LCK: variants seen among roughly 807,000 people sequenced by gnomAD.
The protein encoded by LCK is tyrosine-protein kinase Lck.
In LCK, 14 loss-of-function variants were observed where a neutral mutation model predicts 64.6. That is an observed-to-expected ratio of 0.22 (90% CI 0.14 to 0.34). The LOEUF (loss-of-function observed/expected upper bound fraction) is 0.34. Ranked by LOEUF, LCK falls within the 10% of genes least tolerant of loss-of-function variation. The pLI is 1.00. For missense variants in LCK, 434 were observed against 668.1 expected (o/e 0.65, Z 3.86); for synonymous variants, 277 against 263.6 (o/e 1.05, Z -0.49).
In LCK at chr1:32,276,081, C is replaced by T. The variant is rs1352522565; in HGVS notation, c.631+18C>T. ...TTACACCAGTGAGCCCGACGGGACCCCTCCCCCGTGCCCTATCAGCCTATC... is the reference window on the plus strand; with the variant it reads ...TTACACCAGTGAGCCCGACGGGACCTCTCCCCCGTGCCCTATCAGCCTATC... On this transcript the variant is annotated intron_variant, in intron 7 of 12. Coordinates refer to ENST00000336890, the MANE Select transcript of LCK (RefSeq NM_005356.5). This position sits in a 1 kb window ranked among gnomAD's most constrained non-coding sequence, Gnocchi z 4.6. 2 of 1,613,408 alleles carry T rather than the reference C, an allele frequency of 1.2e-6. No individual in the cohort carries two copies. Among genetic ancestry groups the T allele is most frequent in the South Asian group, 1.1e-5 (1 of 91,028 alleles).
At chr1:32,255,895 G>C (rs1043143308) in intron 1 of LCK, among the ~76,000 whole-genome samples, 1 of 148,784 alleles carries the variant, frequency 6.7e-6, no homozygotes, top group Non-Finnish European at 1.5e-5. Context: ...TCACACACCT[G>C]GGCTTGAGTG....
intron 1 of LCK, among the ~76,000 whole-genome samples, chr1:32,271,310 C>A (rs1429313753): frequency 6.6e-6 from 1 of 152,144 alleles, no homozygotes; most frequent in Non-Finnish European, 1.5e-5. Flanking sequence ...GCCAGCAACT[C>A]CAGCTTTGCT....
chr1:32,281,276 A>C (rs369782817), intron 12 of LCK, among the ~76,000 whole-genome samples: 53 of 151,266 alleles, frequency 3.5e-4, no homozygotes, highest in African/African-American at 1.1e-3. Flanking sequence ...TCTACAAAAA[A>C]AAAAAAACAA....
rs1187344344 is a variant in LCK at position 32,279,732 on chromosome 1, G to C, written c.1026G>C (p.Leu342=). 1 of 1,612,508 alleles carries C rather than the reference G, an allele frequency of 6.2e-7. No individual in the cohort carries two copies. Among genetic ancestry groups the C allele is most frequent in the East Asian group, 2.2e-5 (1 of 44,814 alleles). ...TCAAGTTGACCATCAACAAACTCCT[G>C]GACATGGCAGCCCAAGTAAGGAGAC... ...SGIKLTINKL[L]DMAAQIAEGM... The change falls in exon 10 of 13, where the codon CTG becomes CTC. Residue 342 remains leucine (L), a synonymous_variant. Coordinates refer to ENST00000336890, the MANE Select transcript of LCK (RefSeq NM_005356.5).
Position 32,251,741 on chromosome 1 carries a change from A to G in LCK, c.-6+370A>G, listed in dbSNP as rs1399069552. On this transcript the variant is annotated intron_variant, in intron 1 of 12. Coordinates refer to ENST00000336890, the MANE Select transcript of LCK (RefSeq NM_005356.5). This position sits in a 1 kb window ranked among gnomAD's most constrained non-coding sequence, Gnocchi z 4.0. ...AGAGAGAACAAGGCACTCACTGCCCACGGTTTCTCAGCAAGGCAGTGGCAG... is the reference window on the plus strand; with the variant it reads ...AGAGAGAACAAGGCACTCACTGCCCGCGGTTTCTCAGCAAGGCAGTGGCAG... Among the ~76,000 whole-genome samples, 1 of 152,148 alleles carries G rather than the reference A, an allele frequency of 6.6e-6. No homozygotes were observed. The highest frequency in any genetic ancestry group is 1.5e-5 in the Non-Finnish European group (1 of 68,028).
chr1:32,277,562 G>A lies in LCK; in HGVS notation c.964+776G>A, dbSNP rs547864557. 2.8e-4 allele frequency among the ~76,000 whole-genome samples: 43 copies of A among 152,276 alleles called. No homozygotes were observed. The South Asian group carries it at 8.7e-3, about 31-fold the overall frequency. On this transcript the variant is annotated intron_variant, in intron 9 of 12. Transcript: ENST00000336890. The stretch of plus-strand genomic sequence containing the variant: ...CTGGACAGAGTGAGAGCCCCAGGAA[G>A]AGGAATATGAGTTTCTAGCTTCAGC...
intron 12 of LCK, among the ~76,000 whole-genome samples, chr1:32,282,239 G>C (rs973725256): frequency 1.3e-5 from 2 of 152,176 alleles, no homozygotes; most frequent in Non-Finnish European, 2.9e-5. Context: ...GGTTCCCACA[G>C]AGGCAAACCC....
intron 10 of LCK, 22 bp downstream of exon 10, chr1:32,279,769 G>A (rs763947457): frequency 1.9e-6 from 3 of 1,609,002 alleles, no homozygotes; most frequent in Admixed American, 3.3e-5. Context: ...GGGGAGGGGG[G>A]CTGGGCAAGG....
chr1:32,279,826 G>T lies in LCK; in HGVS notation c.1042-15G>T. On this transcript the variant is annotated splice_polypyrimidine_tract_variant and intron_variant, in intron 10 of 12. Transcript: ENST00000336890. Reference sequence around the variant, plus strand: ...ACATCTGGCTCAGGACCGCTGATCTGTGTTTGGCCTGCAGATTGCAGAAGG... The same window carrying T: ...ACATCTGGCTCAGGACCGCTGATCTTTGTTTGGCCTGCAGATTGCAGAAGG... 1 of 1,614,120 alleles carries T rather than the reference G, an allele frequency of 6.2e-7. No individual in the cohort carries two copies. Among genetic ancestry groups the T allele is most frequent in the African/African-American group, 1.3e-5 (1 of 75,060 alleles).
rs1207892104 is a variant in LCK, at chr1:32,285,897, C to T, written c.*181C>T. 7 of 644,132 alleles carry T rather than the reference C, an allele frequency of 1.1e-5. No homozygotes were observed. In the East Asian group the frequency reaches 1.4e-4, roughly 13 times the overall value. The allele number at this position is 644,132 out of a possible 1,614,324, so 39.9% of individuals were successfully genotyped here. On this transcript the variant is annotated 3_prime_UTR_variant, in exon 13 of 13. Coordinates refer to ENST00000336890, the MANE Select transcript of LCK (RefSeq NM_005356.5). ...GTGTCCTGTAGTTGCGTGGACTCTGCACATGTCTTGTACATGTGTAGCCTG... is the reference window on the plus strand; with the variant it reads ...GTGTCCTGTAGTTGCGTGGACTCTGTACATGTCTTGTACATGTGTAGCCTG...
chr1:32,282,621 T>C (rs1640494696), intron 12 of LCK, among the ~76,000 whole-genome samples: 1 of 151,922 alleles, frequency 6.6e-6, no homozygotes. Flanking sequence ...CTGGCCAACA[T>C]GGTGAAACCC....
intron 1 of LCK, among the ~76,000 whole-genome samples, chr1:32,266,861 A>C (rs1464554839): frequency 8.9e-6 from 1 of 112,300 alleles, no homozygotes; most frequent in East Asian, 2.7e-4. Flanking sequence ...CTTCTTTCCC[A>C]TCTCTCCCTT....
intron 1 of LCK, among the ~76,000 whole-genome samples, chr1:32,252,782 C>T (rs1297254552): frequency 6.6e-6 from 1 of 152,184 alleles, no homozygotes; most frequent in Non-Finnish European, 1.5e-5. Context: ...CTCTTAAGAT[C>T]TGGAAAGCTT....
chr1:32,259,779 C>T (rs1272291171), intron 1 of LCK, among the ~76,000 whole-genome samples: 1 of 151,880 alleles, frequency 6.6e-6, no homozygotes, highest in Non-Finnish European at 1.5e-5. Flanking sequence ...CACTGCACTC[C>T]AGTGGCACAA....
Position 32,276,735 on chromosome 1 carries a change from G to A in LCK, c.913G>A (p.Ala305Thr). ...ACACCAGCGGCTGGTTCGGCTCTAC[G>A]CTGTGGTCACCCAGGAGCCCATCTA... ...LQHQRLVRLY[A>T]VVTQEPIYII... The change falls in exon 9 of 13, where the codon GCT becomes ACT. Residue 305 changes from alanine to threonine, a missense_variant. Transcript: ENST00000336890. This position sits in a 1 kb window ranked among gnomAD's most constrained non-coding sequence, Gnocchi z 4.6. The A allele has an allele frequency of 1.2e-6, 2 of 1,613,776 alleles. No individual in the cohort carries two copies. The highest frequency in any genetic ancestry group is 1.7e-6 in the Non-Finnish European group (2 of 1,179,900).
intron 1 of LCK, among the ~76,000 whole-genome samples, chr1:32,262,273 G>T (rs1393600321): frequency 7.1e-6 from 1 of 141,456 alleles, no homozygotes; most frequent in Admixed American, 7.2e-5. Context: ...AGCCGAGGCA[G>T]GTGAATCACT....
intron 1 of LCK, among the ~76,000 whole-genome samples, chr1:32,258,803 C>CAAAA (rs58703501): frequency 4.9e-5 from 3 of 60,692 alleles, no homozygotes; most frequent in Non-Finnish European, 1.2e-4. Context: ...GACTCCGTCT[C>CAAAA]AAAAAAAAAA....
chr1:32,266,518 A>AG (rs1553152745), intron 1 of LCK, among the ~76,000 whole-genome samples: 3 of 149,176 alleles, frequency 2.0e-5, no homozygotes, highest in African/African-American at 4.9e-5. Flanking sequence ...AAAAAAAAAA[A>AG]AGAGAGATCC....
intron 1 of LCK, among the ~76,000 whole-genome samples, chr1:32,266,347 A>T: frequency 6.6e-6 from 1 of 151,254 alleles, no homozygotes; most frequent in East Asian, 1.9e-4. Context: ...AAAAAAAAAA[A>T]AATAGCCGGG....
Sources: allele counts gnomAD v4.1 joint callset (sites outside exome capture counted in the v4.1 genomes callset), GRCh38; gene constraint gnomAD v4.1.1; non-coding constraint Gnocchi (gnomAD v3.1); transcripts MANE v1.5; gene names NCBI Gene and HGNC (gene_info 2026-07-23, HGNC 2026-07-21).